RIC1: variants seen among roughly 807,000 people sequenced by gnomAD.
RIC1 encodes the protein guanine nucleotide exchange factor subunit RIC1.
Under a neutral mutation model 169.0 loss-of-function variants are expected in RIC1, and 88 were observed. The observed-to-expected ratio is 0.52, with a 90% CI of 0.44 to 0.62. The LOEUF (loss-of-function observed/expected upper bound fraction) is 0.62, where lower values mean the gene tolerates loss of function less well. Ranked by LOEUF, RIC1 falls within the 20% of genes least tolerant of loss-of-function variation. The probability of loss-of-function intolerance (pLI) is 0.00; values close to 1 mark genes in which losing one functional copy is unlikely to be tolerated. For synonymous variants in RIC1, 790 were observed against 601.5 expected (o/e 1.31, Z -4.59); for missense variants, 1,877 against 1,725.5 (o/e 1.09, Z -1.56).
intron 18 of RIC1, among the ~76,000 whole-genome samples, chr9:5,762,903 T>TGGA (rs1826434536): frequency 6.6e-6 from 1 of 152,172 alleles, no homozygotes; most frequent in Admixed American, 6.5e-5. Context: ...CAAATTCTAA[T>TGGA]GGAAAAAATA....
At chr9:5,761,067 A>C (rs1203144815) in intron 17 of RIC1, among the ~76,000 whole-genome samples, 1 of 149,988 alleles carries the variant, frequency 6.7e-6, no homozygotes, top group Non-Finnish European at 1.5e-5. Flanking sequence ...TGTGCCTGAG[A>C]AACATCTGTC....
At chr9:5,631,737 T>C (rs897755305) in intron 1 of RIC1, among the ~76,000 whole-genome samples, 1 of 151,246 alleles carries the variant, frequency 6.6e-6, no homozygotes, top group Non-Finnish European at 1.5e-5. Context: ...TTATAAGGTG[T>C]ATGATTACAT....
In RIC1 at chr9:5,772,617, G is replaced by A; in HGVS notation, c.3670G>A (p.Val1224Met). ...AGACTTGACTGAAAGTAGCTCCATG[G>A]TGGATGGCGACTGGACAATGGTGGA... ...ATDLTESSSM[V>M]DGDWTMVDEN... Residue 1224 changes from valine to methionine, a missense_variant, in exon 24 of 26, where the codon GTG becomes ATG. Physicochemically the swap from Val to Met is conservative, Grantham distance 21. Transcript: ENST00000414202. The A allele has an allele frequency of 6.2e-7, 1 of 1,613,976 alleles. No individual in the cohort carries two copies. The highest frequency in any genetic ancestry group is 1.1e-5 in the South Asian group (1 of 91,066).
chr9:5,754,014 G>C (rs915990265), intron 14 of RIC1, among the ~76,000 whole-genome samples: 1 of 152,086 alleles, frequency 6.6e-6, no homozygotes, highest in Non-Finnish European at 1.5e-5. Flanking sequence ...ATATGGGATA[G>C]TGAGTGTGCG....
chr9:5,747,216 C>A, intron 11 of RIC1, 86 bp from the exon 12 acceptor site: 1 of 959,560 alleles, frequency 1.0e-6, no homozygotes, highest in Non-Finnish European at 1.6e-6. Context: ...AAAACTAAAT[C>A]GATGTGTTAT....
chr9:5,743,620 A>T, intron 9 of RIC1, 69 bp from the exon 10 acceptor site: 8 of 1,254,186 alleles, frequency 6.4e-6, no homozygotes, highest in Non-Finnish European at 9.1e-6. Context: ...TTTTTAAAAA[A>T]CACTAAATTT....
intron 1 of RIC1, among the ~76,000 whole-genome samples, chr9:5,650,385 G>A (rs74819923): frequency 6.6e-6 from 1 of 152,048 alleles, no homozygotes; most frequent in South Asian, 2.1e-4. Context: ...GCCCTTGGGG[G>A]TATGTGGTGC....
rs1209641935 is a variant in RIC1, at chr9:5,629,447, C to T, written c.138C>T (p.Tyr46=). The T allele has an allele frequency of 4.6e-6, 7 of 1,531,402 alleles. No homozygotes were observed. The highest frequency in any genetic ancestry group is 4.9e-5 in the East Asian group (2 of 40,452). 94.9% of individuals were successfully genotyped at this position (1,531,402 alleles called of 1,614,324 possible). A position where few individuals can be genotyped will look rare whatever the true frequency, so the allele number is the denominator to read the frequency against. The change falls in exon 1 of 26, where the codon TAC becomes TAT. Residue 46 remains tyrosine, a synonymous_variant. Transcript: ENST00000414202. ...VLAAARLSIW[Y]SRPSVLIVTY... ...CCGCGGCCCGCCTCAGCATCTGGTA[C>T]AGCCGAGTAAGTAGAGCCGCCCGCC...
At chr9:5,632,906 G>T (rs570900075) in intron 1 of RIC1, among the ~76,000 whole-genome samples, 5 of 152,246 alleles carry the variant, frequency 3.3e-5, no homozygotes, top group Non-Finnish European at 5.9e-5. Flanking sequence ...AGACATTCTC[G>T]TTTTTCAGGT....
chr9:5,727,619 G>A (rs1431588005), intron 6 of RIC1, among the ~76,000 whole-genome samples: 3 of 152,196 alleles, frequency 2.0e-5, no homozygotes, highest in Admixed American at 6.5e-5. Flanking sequence ...GTGAAGAGGT[G>A]CTCTGATTTT....
intron 6 of RIC1, among the ~76,000 whole-genome samples, chr9:5,731,742 CTAAA>C (rs1220297087): frequency 6.6e-6 from 1 of 152,082 alleles, no homozygotes; most frequent in African/African-American, 2.4e-5. Flanking sequence ...AGGCATTGTC[CTAAA>C]TAGTTTACAT....
intron 7 of RIC1, among the ~76,000 whole-genome samples, chr9:5,737,660 C>G (rs1158916102): frequency 6.6e-6 from 1 of 151,642 alleles, no homozygotes; most frequent in Non-Finnish European, 1.5e-5. Context: ...GTTAGAGGTA[C>G]CAACCCCCCA....
intron 6 of RIC1, among the ~76,000 whole-genome samples, chr9:5,729,759 A>T (rs1587047918): frequency 6.6e-6 from 1 of 152,152 alleles, no homozygotes; most frequent in South Asian, 2.1e-4. Flanking sequence ...CTTTATTCAG[A>T]TAGTAAGGTA....
rs1320402657 is a variant in RIC1, at chr9:5,754,914, A to G, written c.1676A>G (p.Asn559Ser). Residue 559 changes from asparagine (N) to serine (S), a missense_variant, in exon 15 of 26, where the codon AAT (asparagine) becomes AGT (serine). Transcript: ENST00000414202. ...DFMVLACYNI[N>S]DRQEELRVYL... ...ATGGTCCTTGCGTGTTATAACATAA[A>G]TGACCGTCAAGAAGAGGTAAGTTTT... 1 of 1,555,694 alleles carries G rather than the reference A, an allele frequency of 6.4e-7. No individual in the cohort carries two copies. Among genetic ancestry groups the G allele is most frequent in the African/African-American group, 1.3e-5 (1 of 74,548 alleles).
intron 4 of RIC1, 69 bp from the exon 5 acceptor site, chr9:5,720,113 C>A: frequency 8.2e-7 from 1 of 1,221,898 alleles, no homozygotes; most frequent in Non-Finnish European, 1.2e-6. Context: ...TTCTCTAAAG[C>A]AGTTTTAATA....
chr9:5,717,385 G>C (rs571904062), intron 4 of RIC1, among the ~76,000 whole-genome samples: 1 of 152,104 alleles, frequency 6.6e-6, no homozygotes, highest in Admixed American at 6.5e-5. Flanking sequence ...TCCTTCCAAG[G>C]AAAATCACTG....
At chr9:5,676,106 G>A (rs1262536368) in intron 2 of RIC1, among the ~76,000 whole-genome samples, 2 of 152,070 alleles carry the variant, frequency 1.3e-5, no homozygotes, top group Admixed American at 1.3e-4. Flanking sequence ...AACGAAAGAC[G>A]AGGTCTTGCT....
At position 5,763,286 on chromosome 9, in the gene RIC1, C is replaced by G; in HGVS notation, c.2259C>G (p.Phe753Leu). ...GGATGAAAGTTTGGCTCCCTCTCTT[C>G]CCTAGGGATCACCGCAAGCCCCATT... ...GAGMKVWLPL[F>L]PRDHRKPHSF... is the part of the protein sequence containing the mutation. The change falls in exon 19 of 26, where the codon TTC (phenylalanine) becomes TTG (leucine). Residue 753 changes from phenylalanine to leucine, a missense_variant. Phe to Leu is a conservative substitution (Grantham distance 22). Coordinates refer to ENST00000414202, the MANE Select transcript of RIC1 (RefSeq NM_020829.4). This position sits in a 1 kb window ranked among gnomAD's most constrained non-coding sequence, Gnocchi z 5.2. 1 of 1,614,158 alleles carries G rather than the reference C, an allele frequency of 6.2e-7. No individual in the cohort carries two copies. Among genetic ancestry groups the G allele is most frequent in the Non-Finnish European group, 8.5e-7 (1 of 1,180,006 alleles).
rs143432536 is a variant in RIC1 at position 5,683,239 on chromosome 9, C to T, written c.253-6720C>T. ...GAGGCACTCTGATTTTTAGAGTTTC[C>T]GGTTTTTCTGCTCTGTTTTTTCCCC... On this transcript the variant is annotated intron_variant, in intron 2 of 25. Transcript: ENST00000414202. Among the ~76,000 whole-genome samples the T allele has an allele frequency of 5.0e-3, 754 of 152,250 alleles. 2 individuals carry two copies. The highest frequency in any genetic ancestry group is 8.2e-3 in the Non-Finnish European group (555 of 68,016).
Sources: allele counts gnomAD v4.1 joint callset (sites outside exome capture counted in the v4.1 genomes callset), GRCh38; gene constraint gnomAD v4.1.1; non-coding constraint Gnocchi (gnomAD v3.1); transcripts MANE v1.5; gene names NCBI Gene and HGNC (gene_info 2026-07-23, HGNC 2026-07-21).